Variants in ARHGAP25 observed in about 807,000 individuals in gnomAD.
ARHGAP25 encodes the protein Rho GTPase activating protein 25.
Under a neutral mutation model 71.0 loss-of-function variants are expected in ARHGAP25, and 34 were observed. The ratio of observed to expected loss-of-function variants is 0.48; its 90% CI spans 0.36 to 0.64. The LOEUF (loss-of-function observed/expected upper bound fraction) is 0.64. Among genes scored for constraint, ARHGAP25 ranks in the 30% least tolerant of loss-of-function variants. The pLI, the probability that ARHGAP25 is intolerant of heterozygous loss-of-function variation, is 0.00. For missense variants in ARHGAP25, 706 were observed against 805.1 expected, an observed-to-expected ratio of 0.88 and a Z score of 1.49; for synonymous variants, 282 against 296.5, an observed-to-expected ratio of 0.95 and a Z score of 0.50.
At chr2:68,776,384 C>T (rs997616907) in intron 2 of ARHGAP25, among the ~76,000 whole-genome samples, 1 of 152,176 alleles carries the variant, frequency 6.6e-6, no homozygotes. Context: ...TGTAAAAAGA[C>T]AGCTGTGGCT....
At chr2:68,805,678 G>A (rs887381250) in intron 4 of ARHGAP25, among the ~76,000 whole-genome samples, 14 of 152,122 alleles carry the variant, frequency 9.2e-5, no homozygotes, top group African/African-American at 1.4e-4. Context: ...GCTGGCCTAC[G>A]CTGGGTAGTG....
chr2:68,813,367 A>T lies in ARHGAP25; in HGVS notation c.755A>T (p.Gln252Leu). Residue 252 changes from glutamine to leucine, a missense_variant, in exon 6 of 11, where the codon CAG (glutamine) becomes CTG (leucine). Coordinates refer to ENST00000409202, the MANE Select transcript of ARHGAP25 (RefSeq NM_001007231.3). ...DLPEPVVPWS[Q>L]YEGFLLCGQL... ...CCAGAGCCCGTGGTTCCCTGGAGCC[A>T]GTACGAAGGGTTCCTGCTCTGTGGG... The T allele has an allele frequency of 6.2e-7, 1 of 1,613,334 alleles. No individual in the cohort carries two copies. Among genetic ancestry groups the T allele is most frequent in the Non-Finnish European group, 8.5e-7 (1 of 1,179,882 alleles).
chr2:68,775,382 C>T lies in ARHGAP25; in HGVS notation c.223C>T (p.Leu75Phe). Residue 75 changes from leucine to phenylalanine, a missense_variant, in exon 2 of 11, where the codon CTC (leucine) becomes TTC (phenylalanine). By Grantham distance (22) the Leu-to-Phe change is conservative. Transcript: ENST00000409202. ...QRYFVLRAQQLYYYKDEEDTK... is the reference protein window; with the variant it reads ...QRYFVLRAQQFYYYKDEEDTK... ...GTACTTTGTGCTGAGGGCGCAGCAG[C>T]TCTACTACTACAAGGATGAAGAGGA... 6.2e-7 allele frequency: 1 copy of T among 1,614,226 alleles called. No individual in the cohort carries two copies. Among genetic ancestry groups the T allele is most frequent in the South Asian group, 1.1e-5 (1 of 91,088 alleles).
intron 1 of ARHGAP25, among the ~76,000 whole-genome samples, chr2:68,772,166 T>C (rs934051010): frequency 1.3e-5 from 2 of 152,248 alleles, no homozygotes; most frequent in Admixed American, 1.3e-4. Flanking sequence ...CTTTCCAATC[T>C]GTAGTATCTT....
intron 5 of ARHGAP25, among the ~76,000 whole-genome samples, 157 bp downstream of exon 5, chr2:68,807,637 G>A (rs1051540026): frequency 6.6e-6 from 1 of 152,208 alleles, no homozygotes; most frequent in African/African-American, 2.4e-5. Context: ...CCATGATTGG[G>A]AATTTGGGAG....
At chr2:68,816,444 T>G (rs1681241652) in intron 7 of ARHGAP25, 82 bp downstream of exon 7, 1 of 1,145,606 alleles carries the variant, frequency 8.7e-7, no homozygotes, top group South Asian at 1.3e-5. Context: ...GGACCACGTC[T>G]GTGAACAGAG....
intron 9 of ARHGAP25, among the ~76,000 whole-genome samples, chr2:68,820,170 C>T (rs1681539299): frequency 6.6e-6 from 1 of 152,154 alleles, no homozygotes; most frequent in African/African-American, 2.4e-5. Flanking sequence ...TTTAAAAATG[C>T]TCATACTTCA....
At chr2:68,816,390 A>G (rs373290898) in intron 7 of ARHGAP25, 28 bp downstream of exon 7, 27 of 1,573,596 alleles carry the variant, frequency 1.7e-5, no homozygotes, top group Non-Finnish European at 2.3e-5. Context: ...TCAACTCTGC[A>G]GTTTTCAACC....
chr2:68,738,874 G>A (rs1294094125), intron 1 of ARHGAP25, among the ~76,000 whole-genome samples: 1 of 151,762 alleles, frequency 6.6e-6, no homozygotes, highest in Non-Finnish European at 1.5e-5. Context: ...ACAGTGAACA[G>A]CTACACAAGG....
intron 5 of ARHGAP25, among the ~76,000 whole-genome samples, chr2:68,812,113 G>T (rs184366598): frequency 2.6e-5 from 4 of 152,168 alleles, no homozygotes. Flanking sequence ...AAATATTTAG[G>T]CTTTGCAGGC....
chr2:68,772,380 G>A (rs1033196365), intron 1 of ARHGAP25, among the ~76,000 whole-genome samples: 1 of 152,196 alleles, frequency 6.6e-6, no homozygotes, highest in Non-Finnish European at 1.5e-5. Context: ...CCAAGTAAAG[G>A]TTCCTCATAT....
At position 68,761,532 on chromosome 2, in the gene ARHGAP25, C is replaced by CA. The variant is rs36034485; in HGVS notation, c.62-13680dup. Among the ~76,000 whole-genome samples the CA allele has an allele frequency of 4.4e-3, 661 of 151,288 alleles. 5 individuals carry two copies. The highest frequency in any genetic ancestry group is 0.013 in the African/African-American group (545 of 41,130). ...ATGTATAAAAAGCTCCTAAACTCTA[C>CA]AAAAAAAAACCCCACAAACAACTCA... is the stretch of plus-strand genomic sequence containing the variant. On this transcript the variant is annotated intron_variant, in intron 1 of 10. Coordinates refer to ENST00000409202, the MANE Select transcript of ARHGAP25 (RefSeq NM_001007231.3).
Position 68,822,327 on chromosome 2 carries a change from A to C in ARHGAP25, c.1201-13A>C, listed in dbSNP as rs1360783405. The C allele has an allele frequency of 6.3e-7, 1 of 1,589,468 alleles. No individual in the cohort carries two copies. The highest frequency in any genetic ancestry group is 8.6e-7 in the Non-Finnish European group (1 of 1,163,052). Reference sequence around the variant, plus strand: ...AAAACCCCATGTGACATCCATGGCCATTTCTTTTCTAGACAAGCGACTCTG... The same window carrying C: ...AAAACCCCATGTGACATCCATGGCCCTTTCTTTTCTAGACAAGCGACTCTG... On this transcript the variant is annotated splice_polypyrimidine_tract_variant and intron_variant, in intron 9 of 10. Coordinates refer to ENST00000409202, the MANE Select transcript of ARHGAP25 (RefSeq NM_001007231.3).
intron 2 of ARHGAP25, among the ~76,000 whole-genome samples, chr2:68,714,071 T>A (rs994947286): frequency 6.6e-6 from 1 of 152,220 alleles, no homozygotes; most frequent in Non-Finnish European, 1.5e-5. Context: ...TACCAGCTCC[T>A]CTTTGTACCT....
intron 7 of ARHGAP25, 59 bp from the exon 8 acceptor site, chr2:68,817,814 T>G (rs1266089773): frequency 1.3e-6 from 2 of 1,593,758 alleles, no homozygotes; most frequent in Non-Finnish European, 8.6e-7. Context: ...TGGAACCCTG[T>G]AGTGCTTCCT....
intron 7 of ARHGAP25, among the ~76,000 whole-genome samples, chr2:68,817,605 A>G (rs1381813308): frequency 6.6e-6 from 1 of 152,150 alleles, no homozygotes; most frequent in Non-Finnish European, 1.5e-5. Context: ...AGCTCCTGGA[A>G]GTGGATCTTG....
At position 68,807,484 on chromosome 2, in the gene ARHGAP25, C is replaced by T; in HGVS notation, c.674+4C>T. On this transcript the variant is annotated splice_donor_region_variant and intron_variant, in intron 5 of 10. Coordinates refer to ENST00000409202, the MANE Select transcript of ARHGAP25 (RefSeq NM_001007231.3). ...GGGAGCGGCCCTCCTTTGACAGGTA[C>T]ATTGCCCCACTGCAGTGTCCCACCT... 1 of 1,613,692 alleles carries T rather than the reference C, an allele frequency of 6.2e-7. No individual in the cohort carries two copies.
At chr2:68,744,590 A>C in intron 1 of ARHGAP25, among the ~76,000 whole-genome samples, 1 of 152,218 alleles carries the variant, frequency 6.6e-6, no homozygotes, top group East Asian at 1.9e-4. Context: ...AAAAGCTGAC[A>C]CAGGGTTTGT....
At chr2:68,809,298 A>C (rs1054306833) in intron 5 of ARHGAP25, among the ~76,000 whole-genome samples, 4 of 152,108 alleles carry the variant, frequency 2.6e-5, no homozygotes, top group Non-Finnish European at 4.4e-5. Flanking sequence ...CAGAGCATAG[A>C]ATGCCGGATG....
Sources: allele counts gnomAD v4.1 joint callset (sites outside exome capture counted in the v4.1 genomes callset), GRCh38; gene constraint gnomAD v4.1.1; transcripts MANE v1.5; gene names NCBI Gene and HGNC (gene_info 2026-07-23, HGNC 2026-07-21).